LIMK2: variants seen among roughly 807,000 people sequenced by gnomAD.
LIMK2 encodes the protein LIM domain kinase 2.
A neutral mutation model predicts 75.7 loss-of-function variants in LIMK2; 35 were observed. That is an observed-to-expected ratio of 0.46 (90% confidence interval 0.35 to 0.61). The LOEUF is 0.61. LIMK2 is among the 20% of genes least tolerant of loss of function. The pLI is 0.00. For missense variants in LIMK2, 623 were observed against 831.0 expected (o/e 0.75, Z 3.08); for synonymous variants, 301 against 319.2 (o/e 0.94, Z 0.61).
chr22:31,268,406 T>C (rs904572153), intron 11 of LIMK2, among the ~76,000 whole-genome samples: 1 of 152,144 alleles, frequency 6.6e-6, no homozygotes, highest in African/African-American at 2.4e-5. Flanking sequence ...ATTACACATC[T>C]CTAAAGGCAA....
intron 2 of LIMK2, among the ~76,000 whole-genome samples, chr22:31,228,575 T>G (rs546758070): frequency 1.3e-5 from 2 of 152,284 alleles, no homozygotes; most frequent in South Asian, 2.1e-4. Flanking sequence ...GCCACATGGT[T>G]GTTAGGGAGG....
intron 2 of LIMK2, among the ~76,000 whole-genome samples, chr22:31,254,863 G>A (rs1188995685): frequency 6.6e-6 from 1 of 152,064 alleles, no homozygotes; most frequent in East Asian, 1.9e-4. Flanking sequence ...GGAGGCTGAG[G>A]TGGGAAAATC....
chr22:31,251,346 T>G lies in LIMK2; in HGVS notation c.117-6945T>G, dbSNP rs2267169. Among the ~76,000 whole-genome samples, 7 of 152,298 alleles carry G rather than the reference T, an allele frequency of 4.6e-5. No individual in the cohort carries two copies. The East Asian group carries it at 1.4e-3, about 30-fold the overall frequency. On this transcript the variant is annotated intron_variant, in intron 2 of 15. Transcript: ENST00000331728. ...ATCCATGTTTAAAGGGAAAAAATTA[T>G]GCATAACTCTGCCCAGCTTCACAGT...
chr22:31,269,004 G>A (rs2048926010), intron 11 of LIMK2, among the ~76,000 whole-genome samples: 1 of 152,074 alleles, frequency 6.6e-6, no homozygotes, highest in Admixed American at 6.6e-5. Context: ...AAATGTAAAA[G>A]AGTTTTTTGG....
intron 2 of LIMK2, chr22:31,248,738 C>G (rs2048695298): frequency 6.2e-7 from 1 of 1,614,102 alleles, no homozygotes; most frequent in African/African-American, 1.3e-5. Context: ...CTTGTCAGTC[C>G]CGGCTTACTT....
chr22:31,243,523 G>T (rs713947), intron 2 of LIMK2, among the ~76,000 whole-genome samples: 55,864 of 152,046 alleles, frequency 0.37, 12,330 homozygotes, highest in Non-Finnish European at 0.5. Context: ...TGGGGCTGCC[G>T]GTTATGAAGG....
chr22:31,236,572 A>G (rs1349740809), intron 2 of LIMK2, among the ~76,000 whole-genome samples: 3 of 148,098 alleles, frequency 2.0e-5, no homozygotes, highest in African/African-American at 7.5e-5. Context: ...CTGCACCACT[A>G]CATGCCAGCC....
At chr22:31,222,537 G>A (rs1189790440) in intron 1 of LIMK2, among the ~76,000 whole-genome samples, 4 of 151,768 alleles carry the variant, frequency 2.6e-5, no homozygotes, top group African/African-American at 9.7e-5. Flanking sequence ...ACCATGCCCA[G>A]CCAATTTTTG....
chr22:31,276,352 T>C (rs998796566), intron 15 of LIMK2, among the ~76,000 whole-genome samples: 7 of 152,092 alleles, frequency 4.6e-5, no homozygotes, highest in African/African-American at 7.2e-5. Flanking sequence ...TTAACCAATA[T>C]ATCCCTCAAC....
intron 1 of LIMK2, among the ~76,000 whole-genome samples, chr22:31,223,479 G>A (rs1321887634): frequency 6.6e-6 from 1 of 152,136 alleles, no homozygotes; most frequent in Non-Finnish European, 1.5e-5. Context: ...AAGAAACAAG[G>A]TGTGGCTCTA....
At chr22:31,237,057 C>CGA (rs1311591519) in intron 2 of LIMK2, among the ~76,000 whole-genome samples, 1 of 148,290 alleles carries the variant, frequency 6.7e-6, no homozygotes, top group Non-Finnish European at 1.5e-5. Flanking sequence ...GTCAGGAGAT[C>CGA]GAGACCATCC....
At chr22:31,222,786 G>T (rs545347825) in intron 1 of LIMK2, 3 of 152,134 alleles carry the variant, frequency 2.0e-5, no homozygotes, top group East Asian at 3.9e-4. Flanking sequence ...TCATCCTTGC[G>T]CAGGGGCCAT....
chr22:31,265,848 T>C (rs2048888332), intron 7 of LIMK2, 98 bp from the exon 8 acceptor site: 5 of 903,842 alleles, frequency 5.5e-6, no homozygotes, highest in Admixed American at 2.1e-5. Context: ...ACTATAGACA[T>C]TGGAATGAAC....
At chr22:31,277,034 T>C in intron 15 of LIMK2, 7 of 1,613,816 alleles carry the variant, frequency 4.3e-6, no homozygotes, top group Non-Finnish European at 5.9e-6. Flanking sequence ...GCTTCCAGGG[T>C]CAAGGAGCTG....
At chr22:31,277,035 C>A (rs2049035215) in intron 15 of LIMK2, 5 of 1,613,924 alleles carry the variant, frequency 3.1e-6, no homozygotes, top group Non-Finnish European at 3.4e-6. Context: ...CTTCCAGGGT[C>A]AAGGAGCTGC....
At chr22:31,268,071 A>G (rs2048914697) in intron 10 of LIMK2, 73 bp from the exon 11 acceptor site, 1 of 1,542,094 alleles carries the variant, frequency 6.5e-7, no homozygotes, top group Non-Finnish European at 9.0e-7. Flanking sequence ...GGGAGACCAC[A>G]TTGACCCATG....
At chr22:31,277,574 T>G (rs1352641522) in intron 15 of LIMK2, 4 of 986,690 alleles carry the variant, frequency 4.1e-6, no homozygotes, top group Non-Finnish European at 4.8e-6. Context: ...ACACAGTATT[T>G]GTTTTCTAAT....
At chr22:31,236,931 CATAAAATAAA>C (rs200484476) in intron 2 of LIMK2, among the ~76,000 whole-genome samples, 2,104 of 144,772 alleles carry the variant, frequency 0.015, 41 homozygotes, top group Admixed American at 0.053. Context: ...AATAAATAAA[CATAAAATAAA>C]ATAAAATAAA....
chr22:31,252,999 G>C (rs1478765081), intron 2 of LIMK2, among the ~76,000 whole-genome samples: 1 of 152,206 alleles, frequency 6.6e-6, no homozygotes, highest in Non-Finnish European at 1.5e-5. Context: ...TCTCTGTGTG[G>C]ATCTGGGTTG....
Sources: gnomAD v4.1 joint callset for allele counts (sites outside exome capture counted in the v4.1 genomes callset) on GRCh38, gnomAD v4.1.1 for gene constraint, MANE v1.5 for transcripts, NCBI Gene and HGNC (gene_info 2026-07-23, HGNC 2026-07-21) for gene names.